The following MCTP1 variants were observed in gnomAD, a reference collection of about 807,000 sequenced individuals.
MCTP1 encodes multiple C2 and transmembrane domain-containing protein 1.
Under a neutral mutation model 120.6 loss-of-function variants are expected in MCTP1, and 69 were observed. That is an observed-to-expected ratio of 0.57 (90% CI 0.47 to 0.70). MCTP1 has a LOEUF of 0.70. Among genes scored for constraint, MCTP1 ranks in the 30% least tolerant of loss-of-function variants. The pLI is 0.00. For missense variants in MCTP1, 1,203 were observed against 1,248.8 expected (o/e 0.96, Z 0.55); for synonymous variants, 529 against 493.1 (o/e 1.07, Z -0.96).
chr5:95,027,259 GA>G lies in MCTP1; in HGVS notation c.721-9776del, dbSNP rs950550779. Among the ~76,000 whole-genome samples the G allele has an allele frequency of 1.6e-4, 24 of 152,298 alleles. 1 individual carries two copies. The highest frequency in any genetic ancestry group is 5.8e-4 in the African/African-American group (24 of 41,562). Reference sequence around the variant, plus strand: ...GTCTAATTTACAGCCGCAATGGAAAGAAAAGCTTATGCTTGGTTCCAAGTAA... The same window carrying G: ...GTCTAATTTACAGCCGCAATGGAAAGAAAGCTTATGCTTGGTTCCAAGTAA... On this transcript the variant is annotated intron_variant, in intron 1 of 22. Coordinates refer to ENST00000515393, the MANE Select transcript of MCTP1 (RefSeq NM_024717.7).
intron 12 of MCTP1, among the ~76,000 whole-genome samples, chr5:94,885,928 A>C (rs1801236910): frequency 6.6e-6 from 1 of 152,174 alleles, no homozygotes; most frequent in Non-Finnish European, 1.5e-5. Flanking sequence ...TGCTCAATGC[A>C]TGTGTATGTG....
intron 1 of MCTP1, among the ~76,000 whole-genome samples, chr5:95,124,531 T>C (rs1758478688): frequency 6.6e-6 from 1 of 152,236 alleles, no homozygotes; most frequent in Non-Finnish European, 1.5e-5. Context: ...TGTTTGAATA[T>C]GAGTAAGATT....
At chr5:94,879,078 C>T (rs1264126644) in intron 12 of MCTP1, among the ~76,000 whole-genome samples, 1 of 151,910 alleles carries the variant, frequency 6.6e-6, no homozygotes. Flanking sequence ...GTGCTTGAGG[C>T]CTCTGATACT....
intron 17 of MCTP1, chr5:94,826,739 C>A: frequency 4.1e-6 from 1 of 244,474 alleles, no homozygotes; most frequent in Non-Finnish European, 7.3e-6. Flanking sequence ...CACTTAAAGT[C>A]TGTTTTATCA....
intron 18 of MCTP1, among the ~76,000 whole-genome samples, chr5:94,782,020 T>C (rs1776684447): frequency 6.6e-6 from 1 of 152,126 alleles, no homozygotes; most frequent in Admixed American, 6.6e-5. Context: ...TTTAAGCTGC[T>C]TCCGAACATA....
chr5:94,988,954 A>T (rs1279969872), intron 2 of MCTP1, among the ~76,000 whole-genome samples: 1 of 152,082 alleles, frequency 6.6e-6, no homozygotes, highest in African/African-American at 2.4e-5. Context: ...TGGATGGGGG[A>T]AACCACCCCC....
intron 1 of MCTP1, 68 bp downstream of exon 1, chr5:95,283,788 T>G: frequency 2.5e-6 from 3 of 1,203,502 alleles, no homozygotes; most frequent in Non-Finnish European, 3.2e-6. Flanking sequence ...GCTCCCCGGG[T>G]GGTGAACGCC....
chr5:95,041,920 A>T (rs1324132929), intron 1 of MCTP1, among the ~76,000 whole-genome samples: 1 of 152,170 alleles, frequency 6.6e-6, no homozygotes, highest in Non-Finnish European at 1.5e-5. Flanking sequence ...CCAACTCCGC[A>T]TCCTTCAACT....
intron 1 of MCTP1, among the ~76,000 whole-genome samples, chr5:95,204,379 A>G (rs1751393903): frequency 6.6e-6 from 1 of 152,142 alleles, no homozygotes. Context: ...TCAACATGGT[A>G]AAGGGCATCC....
intron 19 of MCTP1, among the ~76,000 whole-genome samples, chr5:94,743,584 C>T (rs1766098201): frequency 6.6e-6 from 1 of 151,780 alleles, no homozygotes; most frequent in African/African-American, 2.4e-5. Context: ...AATCCAGGCC[C>T]AATGTTGCCA....
chr5:94,981,113 G>A (rs186560029), intron 2 of MCTP1, among the ~76,000 whole-genome samples: 1 of 152,300 alleles, frequency 6.6e-6, no homozygotes, highest in East Asian at 1.9e-4. Flanking sequence ...TAGAGACAAA[G>A]ACGGCAGATA....
At chr5:95,040,705 G>C (rs1842193054) in intron 1 of MCTP1, among the ~76,000 whole-genome samples, 1 of 152,132 alleles carries the variant, frequency 6.6e-6, no homozygotes, top group Non-Finnish European at 1.5e-5. Context: ...AGCTCGAGGG[G>C]TGGAAAACAG....
intron 19 of MCTP1, among the ~76,000 whole-genome samples, chr5:94,754,758 C>A (rs952234102): frequency 6.6e-6 from 1 of 152,138 alleles, no homozygotes; most frequent in Non-Finnish European, 1.5e-5. Context: ...TCCACAGTAA[C>A]ACAATTACCT....
intron 1 of MCTP1, among the ~76,000 whole-genome samples, chr5:95,092,302 A>G (rs1487106380): frequency 6.6e-6 from 1 of 152,234 alleles, no homozygotes; most frequent in Non-Finnish European, 1.5e-5. Context: ...CAACTAAAAG[A>G]AACTGTTTCT....
intron 19 of MCTP1, among the ~76,000 whole-genome samples, chr5:94,764,358 GCTAA>G (rs761192926): frequency 2.0e-5 from 3 of 152,168 alleles, no homozygotes; most frequent in South Asian, 2.1e-4. Flanking sequence ...AGCCCACCAT[GCTAA>G]CTAACATCAC....
intron 1 of MCTP1, among the ~76,000 whole-genome samples, chr5:95,211,780 C>G (rs1394745479): frequency 6.6e-6 from 1 of 152,176 alleles, no homozygotes; most frequent in East Asian, 1.9e-4. Flanking sequence ...GTTTTTTCTG[C>G]TCTGTTTTTC....
At position 95,284,735 on chromosome 5, in the gene MCTP1, C is replaced by A. The variant is rs1049695272; in HGVS notation, c.-160G>T. 1.1e-4 allele frequency among the ~76,000 whole-genome samples: 17 copies of A among 151,962 alleles called. No homozygotes were observed. The highest frequency in any genetic ancestry group is 3.3e-4 in the Admixed American group (5 of 15,284). On this transcript the variant is annotated 5_prime_UTR_variant, in exon 1 of 23. Coordinates refer to ENST00000515393, the MANE Select transcript of MCTP1 (RefSeq NM_024717.7). This position sits in a 1 kb window ranked among gnomAD's most constrained non-coding sequence, Gnocchi z 5.2. ...AGAAACCGGGAGTGCCCAGCGACTT[C>A]AGGCCAGCTCGGGGGAAAGAAGCGG...
intron 19 of MCTP1, among the ~76,000 whole-genome samples, chr5:94,718,901 A>C (rs965701669): frequency 6.6e-6 from 1 of 152,136 alleles, no homozygotes; most frequent in African/African-American, 2.4e-5. Context: ...TTGTATTTTT[A>C]GTAGAGATGG....
chr5:95,196,152 C>T (rs1374527987), intron 1 of MCTP1, among the ~76,000 whole-genome samples: 1 of 152,104 alleles, frequency 6.6e-6, no homozygotes, highest in African/African-American at 2.4e-5. Context: ...GAAAACCTGA[C>T]TATATTTTAT....
Sources: gnomAD v4.1 joint callset for allele counts (sites outside exome capture counted in the v4.1 genomes callset) on GRCh38, gnomAD v4.1.1 for gene constraint, Gnocchi (gnomAD v3.1) non-coding constraint, MANE v1.5 for transcripts, NCBI Gene and HGNC (gene_info 2026-07-23, HGNC 2026-07-21) for gene names.